Variants in DTNA observed in about 807,000 individuals in gnomAD.
DTNA encodes dystrophin-related protein 3.
Under a neutral mutation model 100.7 loss-of-function variants are expected in DTNA, and 43 were observed. The observed-to-expected ratio is 0.43, with a 90% CI of 0.33 to 0.55. The LOEUF (loss-of-function observed/expected upper bound fraction) is 0.55. DTNA is among the 20% of genes least tolerant of loss of function. The pLI, the probability that DTNA is intolerant of heterozygous loss-of-function variation, is 0.04. For missense variants in DTNA, 798 were observed against 953.9 expected (o/e 0.84, Z 2.15); for synonymous variants, 349 against 347.9 (o/e 1.00, Z -0.04).
intron 16 of DTNA, among the ~76,000 whole-genome samples, chr18:34,861,003 G>C (rs1415639362): frequency 6.6e-6 from 1 of 151,906 alleles, no homozygotes; most frequent in African/African-American, 2.4e-5. Context: ...GATTTATAAG[G>C]AGAAATTTTT....
At chr18:34,663,681 A>C (rs1379589650) in intron 1 of DTNA, among the ~76,000 whole-genome samples, 1 of 152,146 alleles carries the variant, frequency 6.6e-6, no homozygotes, top group Non-Finnish European at 1.5e-5. Flanking sequence ...AATTGAATGA[A>C]ATAAGCTTGT....
At chr18:34,770,805 G>A (rs1353718981) in intron 3 of DTNA, among the ~76,000 whole-genome samples, 7 of 141,164 alleles carry the variant, frequency 5.0e-5, no homozygotes, top group African/African-American at 1.8e-4. Context: ...TTTTTTGAGT[G>A]GAGTTTTGCT....
rs1023779585 is a variant in DTNA, at chr18:34,877,957, G to A, written c.1993+149G>A. ...TTTTGTTGGTCTATTCAGATTTGAG[G>A]GGTTTTTTTTTTGTTTGTTTGTTTT... On this transcript the variant is annotated intron_variant, in intron 19 of 22. Coordinates refer to ENST00000444659, the MANE Select transcript of DTNA (RefSeq NM_001386795.1). 3 of 804,340 alleles carry A rather than the reference G, an allele frequency of 3.7e-6. No individual in the cohort carries two copies. The African/African-American group carries it at 5.3e-5, about 14-fold the overall frequency. The allele number at this position is 804,340 out of a possible 1,614,324, so 49.8% of individuals were successfully genotyped here.
chr18:34,865,336 T>C (rs1568838534), intron 17 of DTNA, among the ~76,000 whole-genome samples: 1 of 152,124 alleles, frequency 6.6e-6, no homozygotes, highest in Non-Finnish European at 1.5e-5. Flanking sequence ...ATTTTTTTTG[T>C]TTCTTTCTTG....
At chr18:34,851,786 G>A (rs374299029) in intron 14 of DTNA, 45 bp from the exon 15 acceptor site, 473 of 1,587,218 alleles carry the variant, frequency 3.0e-4, no homozygotes, top group Admixed American at 4.2e-4. Flanking sequence ...AAATACATAG[G>A]TTCACATTCT....
chr18:34,758,461 G>A (rs1016165908), intron 2 of DTNA, among the ~76,000 whole-genome samples: 2 of 152,194 alleles, frequency 1.3e-5, no homozygotes, highest in Non-Finnish European at 2.9e-5. Flanking sequence ...AACTTCCCTG[G>A]AAGAAAAGGC....
At chr18:34,841,321 C>T (rs751533884) in intron 13 of DTNA, among the ~76,000 whole-genome samples, 2 of 152,110 alleles carry the variant, frequency 1.3e-5, no homozygotes, top group Non-Finnish European at 2.9e-5. Context: ...GCATCCTCCA[C>T]GTATTTACTG....
At chr18:34,574,010 G>T in intron 1 of DTNA, 1 of 156,394 alleles carries the variant, frequency 6.4e-6, no homozygotes, top group Non-Finnish European at 1.4e-5. Flanking sequence ...TGCCCATGGT[G>T]CTCTTCATGT....
intron 1 of DTNA, among the ~76,000 whole-genome samples, chr18:34,552,714 T>A (rs2045572725): frequency 6.6e-6 from 1 of 151,748 alleles, no homozygotes; most frequent in African/African-American, 2.4e-5. Context: ...AACTCATCAT[T>A]TTTTATGGTT....
intron 3 of DTNA, among the ~76,000 whole-genome samples, chr18:34,792,694 G>A (rs755198592): frequency 4.6e-5 from 7 of 152,202 alleles, no homozygotes; most frequent in East Asian, 1.9e-4. Context: ...TGGAACTCTC[G>A]TACACTGCTG....
At chr18:34,798,601 T>C (rs2095084937) in intron 4 of DTNA, among the ~76,000 whole-genome samples, 1 of 152,214 alleles carries the variant, frequency 6.6e-6, no homozygotes, top group Non-Finnish European at 1.5e-5. Context: ...ATAAAGTAGA[T>C]TATGTGACTC....
At chr18:34,603,038 T>G (rs1194550903) in intron 1 of DTNA, among the ~76,000 whole-genome samples, 4 of 151,264 alleles carry the variant, frequency 2.6e-5, no homozygotes, top group African/African-American at 9.7e-5. Context: ...AAATTTAATT[T>G]AATTTAATTT....
intron 9 of DTNA, 73 bp from the exon 10 acceptor site, chr18:34,827,520 G>A: frequency 2.9e-6 from 4 of 1,389,298 alleles, no homozygotes; most frequent in Non-Finnish European, 4.1e-6. Flanking sequence ...GTTTCCTGGA[G>A]GGATGAGGGA....
chr18:34,550,987 T>C (rs1455722544), intron 1 of DTNA, among the ~76,000 whole-genome samples: 2 of 152,198 alleles, frequency 1.3e-5, no homozygotes, highest in Non-Finnish European at 2.9e-5. Flanking sequence ...TCTTAGGCAC[T>C]GCTTTTAGTC....
chr18:34,592,910 A>G (rs1455109459), intron 1 of DTNA, among the ~76,000 whole-genome samples: 2 of 152,194 alleles, frequency 1.3e-5, no homozygotes, highest in Admixed American at 6.5e-5. Context: ...TACTATTTGT[A>G]TTTTGTGTAC....
chr18:34,784,915 T>C (rs2094456698), intron 3 of DTNA, among the ~76,000 whole-genome samples: 1 of 152,072 alleles, frequency 6.6e-6, no homozygotes, highest in South Asian at 2.1e-4. Context: ...GCATGGCAAC[T>C]AGTGATACAC....
At chr18:34,803,738 TA>T (rs1215519889) in intron 4 of DTNA, among the ~76,000 whole-genome samples, 1 of 152,342 alleles carries the variant, frequency 6.6e-6, no homozygotes, top group African/African-American at 2.4e-5. Flanking sequence ...GTTATCCATG[TA>T]ATGGGAGGAC....
At chr18:34,865,629 T>C (rs1381555935) in intron 17 of DTNA, among the ~76,000 whole-genome samples, 2 of 152,230 alleles carry the variant, frequency 1.3e-5, no homozygotes, top group East Asian at 3.8e-4. Flanking sequence ...CCTGTTAATC[T>C]CATTTGATAA....
chr18:34,828,075 T>C (rs1391850397), intron 10 of DTNA, among the ~76,000 whole-genome samples: 1 of 152,178 alleles, frequency 6.6e-6, no homozygotes, highest in Non-Finnish European at 1.5e-5. Flanking sequence ...TATTTAAAGC[T>C]AAGATACAAA....
Sources: gnomAD v4.1 joint callset for allele counts (sites outside exome capture counted in the v4.1 genomes callset) on GRCh38, gnomAD v4.1.1 for gene constraint, MANE v1.5 for transcripts, NCBI Gene and HGNC (gene_info 2026-07-23, HGNC 2026-07-21) for gene names.